Variants in DENND1B observed in about 807,000 individuals in gnomAD.
DENND1B encodes DENN domain-containing protein 1B.
DENND1B carries 59 observed loss-of-function variants against 90.1 expected under a neutral mutation model. The observed-to-expected ratio is 0.65, with a 90% CI of 0.53 to 0.81. DENND1B has a LOEUF of 0.81. Among genes scored for constraint, DENND1B ranks in the 40% least tolerant of loss-of-function variants. The probability of loss-of-function intolerance (pLI) is 0.00; values close to 1 mark genes in which losing one functional copy is unlikely to be tolerated. For missense variants in DENND1B, 862 were observed against 912.6 expected (o/e 0.94, Z 0.71); for synonymous variants, 337 against 324.6 (o/e 1.04, Z -0.41).
At chr1:197,752,902 G>C (rs944975697) in intron 2 of DENND1B, among the ~76,000 whole-genome samples, 1 of 151,816 alleles carries the variant, frequency 6.6e-6, no homozygotes, top group Non-Finnish European at 1.5e-5. Flanking sequence ...TTCTGTCTTT[G>C]TGATAGTTTG....
chr1:197,741,888 T>C (rs913760240), intron 2 of DENND1B, among the ~76,000 whole-genome samples: 2 of 152,160 alleles, frequency 1.3e-5, no homozygotes, highest in African/African-American at 4.8e-5. Flanking sequence ...TCTTCCACTT[T>C]ATAACTTTGG....
chr1:197,720,886 CAT>C (rs1661107978), intron 2 of DENND1B, among the ~76,000 whole-genome samples: 1 of 152,088 alleles, frequency 6.6e-6, no homozygotes, highest in African/African-American at 2.4e-5. Flanking sequence ...CTTGATAAAA[CAT>C]ATATAAGCAG....
chr1:197,627,313 C>A (rs1203149203), intron 10 of DENND1B, among the ~76,000 whole-genome samples: 1 of 152,120 alleles, frequency 6.6e-6, no homozygotes, highest in South Asian at 2.1e-4. Context: ...AGCAGCATAT[C>A]AAAAAGCTTA....
intron 20 of DENND1B, among the ~76,000 whole-genome samples, chr1:197,536,156 G>T (rs796547922): frequency 0.06 from 2,916 of 48,352 alleles, 105 homozygotes; most frequent in African/African-American, 0.13. Context: ...GAGAGAGAGA[G>T]AGATAGATGA....
intron 13 of DENND1B, 152 bp from the exon 14 acceptor site, chr1:197,595,485 C>T: frequency 1.0e-6 from 1 of 966,810 alleles, no homozygotes; most frequent in Non-Finnish European, 1.5e-6. Flanking sequence ...CAGAGAGCAC[C>T]TGCTGGTCTG....
chr1:197,754,512 G>A (rs1212130088), intron 2 of DENND1B, among the ~76,000 whole-genome samples: 1 of 151,866 alleles, frequency 6.6e-6, no homozygotes. Flanking sequence ...TGAAAAATCA[G>A]CCAGATGTGG....
intron 15 of DENND1B, among the ~76,000 whole-genome samples, chr1:197,574,975 A>T (rs888742493): frequency 1.3e-5 from 2 of 152,216 alleles, no homozygotes; most frequent in African/African-American, 2.4e-5. Flanking sequence ...GCTAGACCTA[A>T]AACCATAAAA....
At chr1:197,683,757 G>A (rs1458316701) in intron 3 of DENND1B, among the ~76,000 whole-genome samples, 2 of 151,928 alleles carry the variant, frequency 1.3e-5, no homozygotes, top group Non-Finnish European at 2.9e-5. Context: ...CTCTTACAAC[G>A]ATGAAAACAT....
At chr1:197,635,742 A>G (rs1285125106) in intron 10 of DENND1B, among the ~76,000 whole-genome samples, 1 of 152,202 alleles carries the variant, frequency 6.6e-6, no homozygotes, top group African/African-American at 2.4e-5. Flanking sequence ...GATAATTCAG[A>G]GATGAAAGAT....
At chr1:197,770,631 A>T (rs12749001) in intron 2 of DENND1B, among the ~76,000 whole-genome samples, 1 of 91,428 alleles carries the variant, frequency 1.1e-5, no homozygotes, top group Non-Finnish European at 2.0e-5. Flanking sequence ...AATATATATA[A>T]AAATATATAT....
intron 3 of DENND1B, among the ~76,000 whole-genome samples, chr1:197,696,419 A>G (rs1658439422): frequency 6.6e-6 from 1 of 151,578 alleles, no homozygotes; most frequent in African/African-American, 2.4e-5. Context: ...TCATGGAAGC[A>G]CATACTAGGT....
chr1:197,771,104 G>A (rs1436727552), intron 2 of DENND1B, among the ~76,000 whole-genome samples: 1 of 151,626 alleles, frequency 6.6e-6, no homozygotes, highest in African/African-American at 2.4e-5. Flanking sequence ...TAGAGATGGG[G>A]TTTCACCATA....
intron 15 of DENND1B, among the ~76,000 whole-genome samples, chr1:197,573,867 T>C (rs1427015474): frequency 6.6e-6 from 1 of 152,176 alleles, no homozygotes; most frequent in Non-Finnish European, 1.5e-5. Context: ...ATCATCTCAA[T>C]AGATGCAGAA....
At chr1:197,549,473 A>T (rs1329913985) in intron 16 of DENND1B, among the ~76,000 whole-genome samples, 1 of 152,184 alleles carries the variant, frequency 6.6e-6, no homozygotes, top group African/African-American at 2.4e-5. Context: ...ATAGAGAGTA[A>T]CCACATACTC....
chr1:197,518,180 T>C (rs527805234), intron 20 of DENND1B, among the ~76,000 whole-genome samples: 10 of 152,002 alleles, frequency 6.6e-5, no homozygotes, highest in African/African-American at 2.2e-4. Context: ...AAAATGATTA[T>C]GAGGTGTCTG....
At position 197,540,091 on chromosome 1, in the gene DENND1B, C is replaced by T. The variant is rs376958889; in HGVS notation, c.1408-20G>A. ...ATTTTCCTACACATGAAAAAATATACAGGCAATAATTGTAAAGTACTCCTT... is the reference window on the plus strand; with the variant it reads ...ATTTTCCTACACATGAAAAAATATATAGGCAATAATTGTAAAGTACTCCTT... On this transcript the variant is annotated intron_variant, in intron 19 of 22. Transcript: ENST00000620048. The T allele has an allele frequency of 1.6e-5, 25 of 1,547,344 alleles. No individual in the cohort carries two copies. Among genetic ancestry groups the T allele is most frequent in the Non-Finnish European group, 1.9e-5 (21 of 1,127,572 alleles).
At chr1:197,665,076 TAA>T (rs1420900916) in intron 5 of DENND1B, among the ~76,000 whole-genome samples, 1 of 152,174 alleles carries the variant, frequency 6.6e-6, no homozygotes. Flanking sequence ...GAAATCTTGT[TAA>T]AAGTAGGATA....
chr1:197,535,143 T>C (rs1167896579), intron 20 of DENND1B, among the ~76,000 whole-genome samples: 1 of 152,216 alleles, frequency 6.6e-6, no homozygotes, highest in Non-Finnish European at 1.5e-5. Context: ...TTTGCTAGTG[T>C]AAGTGGCTCA....
At chr1:197,685,011 G>A (rs1269017880) in intron 3 of DENND1B, among the ~76,000 whole-genome samples, 2 of 151,970 alleles carry the variant, frequency 1.3e-5, no homozygotes, top group Non-Finnish European at 2.9e-5. Flanking sequence ...CCAGCTACTC[G>A]GGAGGCTGAG....
Sources: gnomAD v4.1 joint callset for allele counts (sites outside exome capture counted in the v4.1 genomes callset) on GRCh38, gnomAD v4.1.1 for gene constraint, MANE v1.5 for transcripts, NCBI Gene and HGNC (gene_info 2026-07-23, HGNC 2026-07-21) for gene names.